ZAP70: variants seen among roughly 807,000 people sequenced by gnomAD.
ZAP70 encodes the protein tyrosine-protein kinase ZAP-70.
ZAP70 carries 27 observed loss-of-function variants against 65.8 expected under a neutral mutation model. The ratio of observed to expected loss-of-function variants is 0.41; its 90% CI spans 0.30 to 0.57. ZAP70 has a LOEUF of 0.57. Ranked by LOEUF, ZAP70 falls within the 20% of genes least tolerant of loss-of-function variation. The pLI, the probability that ZAP70 is intolerant of heterozygous loss-of-function variation, is 0.28. For missense variants in ZAP70, 696 were observed against 870.5 expected, an observed-to-expected ratio of 0.80 and a Z score of 2.52; for synonymous variants, 363 against 360.8, an observed-to-expected ratio of 1.01 and a Z score of -0.07.
At chr2:97,724,737 C>T (rs1677310984) in intron 3 of ZAP70, 1 of 1,506,552 alleles carries the variant, frequency 6.6e-7, no homozygotes, top group African/African-American at 1.4e-5. Flanking sequence ...GGGGGCGGGG[C>T]TGAGAGGAGG....
Position 97,735,418 on chromosome 2 carries a change from T to C in ZAP70, c.1251T>C (p.Ala417=), listed in dbSNP as rs1395613352. Residue 417 remains alanine (A), a synonymous_variant, in exon 10 of 14, where the codon GCT becomes GCC. Coordinates refer to ENST00000264972, the MANE Select transcript of ZAP70 (RefSeq NM_001079.4). ...CCCTCATGCTGGTCATGGAGATGGCTGGGGGCGGGCCGCTGCACAAGTTCC... is the reference window on the plus strand; with the variant it reads ...CCCTCATGCTGGTCATGGAGATGGCCGGGGGCGGGCCGCTGCACAAGTTCC... The part of the protein sequence containing the change: ...AEALMLVMEM[A]GGGPLHKFLV... The C allele has an allele frequency of 6.2e-7, 1 of 1,607,696 alleles. No individual in the cohort carries two copies. Among genetic ancestry groups the C allele is most frequent in the South Asian group, 1.1e-5 (1 of 90,940 alleles).
the ZAP70 span, among the ~76,000 whole-genome samples, chr2:97,745,070 G>A: frequency 5.3e-5 from 8 of 152,020 alleles, no homozygotes; most frequent in Admixed American, 1.3e-4. Flanking sequence ...ACGGAGTCTC[G>A]CTCTGTCCCC....
chr2:97,753,877 T>C, the ZAP70 span, among the ~76,000 whole-genome samples: 1 of 152,132 alleles, frequency 6.6e-6, no homozygotes. Context: ...TTGTCCCAGC[T>C]ACCTGGGAGA....
intron 2 of ZAP70, among the ~76,000 whole-genome samples, chr2:97,720,384 C>A (rs772181435): frequency 6.6e-6 from 1 of 152,082 alleles, no homozygotes; most frequent in Non-Finnish European, 1.5e-5. Flanking sequence ...CCCACCACCA[C>A]GCCCGACTAA....
rs1353718347 is a variant in ZAP70, at chr2:97,735,269, A to G, written c.1102A>G (p.Ile368Val). The change falls in exon 10 of 14, where the codon ATC (isoleucine) becomes GTC (valine). Residue 368 changes from isoleucine to valine, a missense_variant. By Grantham distance (29) the Ile-to-Val change is conservative. Transcript: ENST00000264972. ...RMRKKQIDVA[I>V]KVLKQGTEKA... The stretch of plus-strand genomic sequence containing the variant: ...GGGCAGGAAGCAGATCGACGTGGCC[A>G]TCAAGGTGCTGAAGCAGGGCACGGA... 6.2e-7 allele frequency: 1 copy of G among 1,613,984 alleles called. No individual in the cohort carries two copies. The highest frequency in any genetic ancestry group is 8.5e-7 in the Non-Finnish European group (1 of 1,179,954).
At chr2:97,735,073 G>T in intron 9 of ZAP70, 177 bp from the exon 10 acceptor site, 1 of 771,368 alleles carries the variant, frequency 1.3e-6, no homozygotes, top group Non-Finnish European at 2.1e-6. Context: ...GCTGTGAGCC[G>T]TCCTCAGCAG....
At chr2:97,723,963 G>A in intron 2 of ZAP70, 53 bp from the exon 3 acceptor site, 1 of 1,527,296 alleles carries the variant, frequency 6.5e-7, no homozygotes, top group Non-Finnish European at 8.8e-7. Context: ...TGGGCCCAAC[G>A]CACCAGGTTC....
At chr2:97,719,842 T>C (rs1277317691) in intron 2 of ZAP70, among the ~76,000 whole-genome samples, 3 of 152,096 alleles carry the variant, frequency 2.0e-5, no homozygotes, top group African/African-American at 7.2e-5. Flanking sequence ...CCAAATTCCG[T>C]CCTGCCCTCT....
downstream of ZAP70, among the ~76,000 whole-genome samples, chr2:97,742,774 C>G (rs917834626): frequency 4.6e-5 from 7 of 152,178 alleles, no homozygotes; most frequent in African/African-American, 7.2e-5. Flanking sequence ...GGGGTGGGGA[C>G]TCTTGAACCC....
chr2:97,717,839 C>T (rs761974817), intron 2 of ZAP70, among the ~76,000 whole-genome samples: 9 of 152,180 alleles, frequency 5.9e-5, no homozygotes, highest in African/African-American at 2.2e-4. Context: ...CTGCCTTTAC[C>T]CAGGGAGGCT....
intron 2 of ZAP70, among the ~76,000 whole-genome samples, chr2:97,720,404 A>G (rs1431882851): frequency 6.6e-6 from 1 of 151,904 alleles, no homozygotes; most frequent in East Asian, 1.9e-4. Context: ...ATTTTTTTGT[A>G]TTTTTAATAG....
chr2:97,734,931 GA>G, intron 9 of ZAP70: 8 of 721,572 alleles, frequency 1.1e-5, no homozygotes, highest in Non-Finnish European at 1.8e-5. Flanking sequence ...CTGTGGAGCT[GA>G]AGTTCCCAAC....
At chr2:97,745,151 G>A in the ZAP70 span, among the ~76,000 whole-genome samples, 1 of 152,298 alleles carries the variant, frequency 6.6e-6, no homozygotes, top group East Asian at 1.9e-4. Flanking sequence ...CAATCTTCCA[G>A]CCTCAGCCTC....
chr2:97,733,055 C>G, intron 5 of ZAP70, 34 bp downstream of exon 5: 1 of 1,614,014 alleles, frequency 6.2e-7, no homozygotes. Flanking sequence ...CTGGGAGATG[C>G]CGTGCTCAGA....
At chr2:97,754,151 T>C in the ZAP70 span, among the ~76,000 whole-genome samples, 1 of 152,232 alleles carries the variant, frequency 6.6e-6, no homozygotes, top group Non-Finnish European at 1.5e-5. Flanking sequence ...GGTGGGTATG[T>C]TGCCACTCAA....
intron 2 of ZAP70, among the ~76,000 whole-genome samples, chr2:97,719,990 G>C (rs143965037): frequency 8.5e-5 from 13 of 152,132 alleles, no homozygotes. Flanking sequence ...TTTGCGATGC[G>C]TTTGCGGAAC....
Position 97,733,297 on chromosome 2 carries a change from G to T in ZAP70, c.791G>T (p.Gly264Val). The T allele has an allele frequency of 1.9e-6, 3 of 1,604,076 alleles. No individual in the cohort carries two copies. Among genetic ancestry groups the T allele is most frequent in the Non-Finnish European group, 2.6e-6 (3 of 1,174,384 alleles). The change falls in exon 7 of 14, where the codon GGG becomes GTG. Residue 264 changes from glycine to valine, a missense_variant and splice_region_variant. Around this residue, in one of 3 missense-constraint regions of ZAP70, gnomAD observed 551 missense variants for 630.0 expected, o/e 0.87. Coordinates refer to ENST00000264972, the MANE Select transcript of ZAP70 (RefSeq NM_001079.4). ...CTCACTGTCCCTTCTGCTCCCCCAGGGGCTGCTGCTCCCACACTCCCAGCC... is the reference window on the plus strand; with the variant it reads ...CTCACTGTCCCTTCTGCTCCCCCAGTGGCTGCTGCTCCCACACTCCCAGCC... Reference protein sequence around the residue: ...CPNSSASNASGAAAPTLPAHP... With the variant: ...CPNSSASNASVAAAPTLPAHP...
downstream of ZAP70, among the ~76,000 whole-genome samples, chr2:97,740,024 AGT>A (rs1678083308): frequency 6.6e-6 from 1 of 152,020 alleles, no homozygotes; most frequent in South Asian, 2.1e-4. Context: ...CCTTCATGTG[AGT>A]GAGCGGCTGG....
intron 2 of ZAP70, among the ~76,000 whole-genome samples, chr2:97,720,819 A>G (rs1412497819): frequency 6.6e-6 from 1 of 152,068 alleles, no homozygotes; most frequent in Non-Finnish European, 1.5e-5. Flanking sequence ...GTCACAATCA[A>G]TCGGGTTACA....
Sources: gnomAD v4.1 joint callset for allele counts (sites outside exome capture counted in the v4.1 genomes callset) on GRCh38, gnomAD v4.1.1 for gene constraint, gnomAD v4.1.1 regional missense constraint, MANE v1.5 for transcripts, NCBI Gene and HGNC (gene_info 2026-07-23, HGNC 2026-07-21) for gene names.